The following USP43 variants were observed in gnomAD, a reference collection of about 807,000 sequenced individuals.
The protein encoded by USP43 is ubiquitin specific peptidase 43.
A neutral mutation model predicts 90.7 loss-of-function variants in USP43; 33 were observed. That is an observed-to-expected ratio of 0.36 (90% CI 0.28 to 0.49). The LOEUF is 0.49. Ranked by LOEUF, USP43 falls within the 20% of genes least tolerant of loss-of-function variation. USP43 has a pLI of 0.98. For missense variants in USP43, 1,274 were observed against 1,476.4 expected (o/e 0.86, Z 2.25); for synonymous variants, 598 against 615.8 (o/e 0.97, Z 0.43).
At chr17:9,670,877 A>C (rs1913372155) in intron 3 of USP43, among the ~76,000 whole-genome samples, 1 of 152,070 alleles carries the variant, frequency 6.6e-6, no homozygotes, top group Non-Finnish European at 1.5e-5. Context: ...TGATAAAGAC[A>C]AGGTGTCGTC....
Position 9,709,725 on chromosome 17 carries a change from T to A in USP43, c.2012-231T>A, listed in dbSNP as rs546863882. ...AGCGAAACTCCGTCTCAAAAATAAA[T>A]AAAAATAAATAAATAAATAAAAATA... On this transcript the variant is annotated intron_variant, in intron 12 of 14. Coordinates refer to ENST00000285199, the MANE Select transcript of USP43 (RefSeq NM_153210.5). The surrounding 1 kb of genome is among the most constrained non-coding windows in gnomAD (Gnocchi z 5.0). 5.9e-4 allele frequency among the ~76,000 whole-genome samples: 90 copies of A among 151,594 alleles called. No homozygotes were observed. The highest frequency in any genetic ancestry group is 1.2e-3 in the Admixed American group (18 of 15,194).
intron 4 of USP43, among the ~76,000 whole-genome samples, chr17:9,676,357 A>T (rs1446763326): frequency 1.3e-5 from 2 of 151,996 alleles, no homozygotes; most frequent in Non-Finnish European, 2.9e-5. Context: ...GCTGAACTTG[A>T]TCCATTATCT....
intron 14 of USP43, among the ~76,000 whole-genome samples, chr17:9,718,326 G>A (rs1191248752): frequency 6.6e-6 from 1 of 152,180 alleles, no homozygotes; most frequent in Non-Finnish European, 1.5e-5. Flanking sequence ...GCATGTACCA[G>A]ACTCTGGTTA....
intron 8 of USP43, among the ~76,000 whole-genome samples, chr17:9,688,020 C>G (rs951874020): frequency 6.6e-6 from 1 of 152,356 alleles, no homozygotes; most frequent in East Asian, 1.9e-4. Context: ...GAGTCTCACT[C>G]TGTCGCCCAG....
In USP43 at chr17:9,701,141, G is replaced by A. The variant is rs1163182771; in HGVS notation, c.1558G>A (p.Glu520Lys). 2 of 1,489,390 alleles carry A rather than the reference G, an allele frequency of 1.3e-6. No homozygotes were observed. The highest frequency in any genetic ancestry group is 2.8e-5 in the African/African-American group (2 of 71,668). The allele number at this position is 1,489,390 out of a possible 1,614,324, so 92.3% of individuals were successfully genotyped here. The stretch of plus-strand genomic sequence containing the variant: ...CAGCCTGTTCGGGAGCCTCCAGGAG[G>A]AGCGAGCGCAGGATGCCGACAGTGT... ...KERLFGSLQE[E>K]RAQDADSVWQ... Residue 520 changes from glutamate to lysine, a missense_variant, in exon 11 of 15, where the codon GAG (glutamate) becomes AAG (lysine). Transcript: ENST00000285199. This position sits in a 1 kb window ranked among gnomAD's most constrained non-coding sequence, Gnocchi z 7.2.
chr17:9,694,773 G>A lies in USP43; in HGVS notation c.1457+1543G>A, dbSNP rs143707518. Among the ~76,000 whole-genome samples the A allele has an allele frequency of 8.3e-3, 1,257 of 152,080 alleles. 38 individuals are homozygous for A. The highest frequency in any genetic ancestry group is 0.053 in the Admixed American group (816 of 15,274). ...CCAGTAGCTGGGATTATAGGCACAC[G>A]CCATCACGCCTGGCTAATTTTTGTA... On this transcript the variant is annotated intron_variant, in intron 9 of 14. Transcript: ENST00000285199.
intron 6 of USP43, among the ~76,000 whole-genome samples, chr17:9,681,167 TATATACTATATAATATAC>T (rs1914175735): frequency 3.3e-5 from 2 of 60,178 alleles, no homozygotes; most frequent in South Asian, 7.6e-4. Context: ...TACTATATAA[TATATACTATATAATATAC>T]TATATAATAT....
At chr17:9,720,988 T>C (rs73259675) in intron 14 of USP43, among the ~76,000 whole-genome samples, 7,462 of 152,260 alleles carry the variant, frequency 0.049, 247 homozygotes, top group East Asian at 0.095. Context: ...CTGGTTATGA[T>C]CATCATAATA....
chr17:9,699,076 G>A (rs1915423268), intron 9 of USP43, among the ~76,000 whole-genome samples: 1 of 152,250 alleles, frequency 6.6e-6, no homozygotes. Flanking sequence ...GCAAGGCAGA[G>A]CTGCTTCCAG....
chr17:9,661,801 G>T (rs1912662731), intron 2 of USP43, among the ~76,000 whole-genome samples: 1 of 145,870 alleles, frequency 6.9e-6, no homozygotes, highest in African/African-American at 2.8e-5. Context: ...CTCTTTCAGG[G>T]TTTTCTTTCT....
At chr17:9,723,085 G>C (rs1917050239) in intron 14 of USP43, among the ~76,000 whole-genome samples, 2 of 152,192 alleles carry the variant, frequency 1.3e-5, no homozygotes, top group Non-Finnish European at 1.5e-5. Context: ...GTGAATGGCA[G>C]CTTGGCTGGT....
At chr17:9,722,997 T>C (rs1487605685) in intron 14 of USP43, among the ~76,000 whole-genome samples, 1 of 152,164 alleles carries the variant, frequency 6.6e-6, no homozygotes, top group Non-Finnish European at 1.5e-5. Context: ...CTTGAGGTGG[T>C]GGGTCTGGTT....
rs1913612333 is a variant in USP43 at position 9,674,096 on chromosome 17, C to G, written c.741-795C>G. Reference sequence around the variant, plus strand: ...GACATTGGAATTTTAAAAAAGCCTTCCTGTGGTTCTGGGGCACAGTGAGGC... The same window carrying G: ...GACATTGGAATTTTAAAAAAGCCTTGCTGTGGTTCTGGGGCACAGTGAGGC... On this transcript the variant is annotated intron_variant, in intron 3 of 14. Transcript: ENST00000285199. This position sits in a 1 kb window ranked among gnomAD's most constrained non-coding sequence, Gnocchi z 4.4. 6.6e-6 allele frequency among the ~76,000 whole-genome samples: 1 copy of G among 152,020 alleles called. No homozygotes were observed. The highest frequency in any genetic ancestry group is 2.1e-4 in the South Asian group (1 of 4,820).
chr17:9,715,297 T>TA (rs1371847078), intron 14 of USP43, among the ~76,000 whole-genome samples: 1 of 151,826 alleles, frequency 6.6e-6, no homozygotes, highest in Non-Finnish European at 1.5e-5. Context: ...CCCATCTCTA[T>TA]AAAAAATTAG....
chr17:9,673,366 G>T (rs190061890), intron 3 of USP43, among the ~76,000 whole-genome samples: 1 of 152,062 alleles, frequency 6.6e-6, no homozygotes, highest in Non-Finnish European at 1.5e-5. Flanking sequence ...AAAATTAGCC[G>T]GGCGTGGTGG....
chr17:9,687,022 T>C (rs1363008822), intron 8 of USP43, 113 bp downstream of exon 8: 22 of 917,560 alleles, frequency 2.4e-5, no homozygotes, highest in Non-Finnish European at 3.4e-5. Context: ...GAGAGGATAA[T>C]TTGCTGTTAA....
At chr17:9,700,119 C>T in intron 9 of USP43, 53 bp from the exon 10 acceptor site, 1 of 1,500,790 alleles carries the variant, frequency 6.7e-7, no homozygotes, top group Non-Finnish European at 9.1e-7. Context: ...CCCTGAAGAG[C>T]TGTGGGAAGG....
chr17:9,672,205 C>T (rs568270802), intron 3 of USP43, among the ~76,000 whole-genome samples: 5 of 152,204 alleles, frequency 3.3e-5, no homozygotes, highest in South Asian at 4.2e-4. Context: ...CCATGTTGAC[C>T]GGGTTGGTCT....
In USP43 at chr17:9,712,518, C is replaced by T. The variant is rs548897350; in HGVS notation, c.2335+386C>T. 7.2e-5 allele frequency among the ~76,000 whole-genome samples: 11 copies of T among 152,248 alleles called. No individual in the cohort carries two copies. In the South Asian group the frequency reaches 1.9e-3, roughly 26 times the overall value. ...CGGGTAACATCTTTCTAGGGGGTGA[C>T]ACTGAGCAGAGCTCTGAGTGAGAGA... On this transcript the variant is annotated intron_variant, in intron 14 of 14. Coordinates refer to ENST00000285199, the MANE Select transcript of USP43 (RefSeq NM_153210.5).
Sources: allele counts gnomAD v4.1 joint callset (sites outside exome capture counted in the v4.1 genomes callset), GRCh38; gene constraint gnomAD v4.1.1; non-coding constraint Gnocchi (gnomAD v3.1); transcripts MANE v1.5; gene names NCBI Gene and HGNC (gene_info 2026-07-23, HGNC 2026-07-21).